The following REDIC1 variants were observed in gnomAD, a reference collection of about 807,000 sequenced individuals.
The protein encoded by REDIC1 is HEI10 Interacting Protein 1.
the REDIC1 span, chr12:39,830,349 A>T: frequency 6.9e-7 from 1 of 1,458,078 alleles, no homozygotes; most frequent in Non-Finnish European, 9.0e-7. Flanking sequence ...GGGCCTTGGG[A>T]CTTGTTTTGG....
the REDIC1 span, among the ~76,000 whole-genome samples, chr12:39,882,215 G>C: frequency 6.6e-6 from 1 of 152,192 alleles, no homozygotes; most frequent in Non-Finnish European, 1.5e-5. Flanking sequence ...TGTGCTACAG[G>C]ATCTCCTGGA....
At chr12:39,684,255 C>G in the REDIC1 span, 5 of 980,470 alleles carry the variant, frequency 5.1e-6, no homozygotes, top group South Asian at 4.4e-5. Flanking sequence ...TTATAAGTAA[C>G]TAAAGAAAAC....
the REDIC1 span, among the ~76,000 whole-genome samples, chr12:39,685,720 C>T: frequency 6.6e-6 from 1 of 152,140 alleles, no homozygotes; most frequent in Non-Finnish European, 1.5e-5. Flanking sequence ...TTAACTCACT[C>T]CAGCATTAAC....
the REDIC1 span, among the ~76,000 whole-genome samples, chr12:39,891,486 T>C: frequency 1.3e-5 from 2 of 152,196 alleles, no homozygotes; most frequent in South Asian, 2.1e-4. Context: ...TAAGAAAGCA[T>C]ATGAAAATCT....
the REDIC1 span, chr12:39,802,279 T>C: frequency 6.6e-6 from 1 of 152,182 alleles, no homozygotes; most frequent in Admixed American, 6.6e-5. Context: ...TTATGTAGCC[T>C]GTCATTCAGG....
At chr12:39,848,611 A>G in the REDIC1 span, among the ~76,000 whole-genome samples, 1 of 152,176 alleles carries the variant, frequency 6.6e-6, no homozygotes, top group Non-Finnish European at 1.5e-5. Context: ...GGAAAGCAGT[A>G]TGGCAATTCC....
the REDIC1 span, among the ~76,000 whole-genome samples, chr12:39,713,822 T>C: frequency 6.8e-6 from 1 of 146,760 alleles, no homozygotes; most frequent in Non-Finnish European, 1.5e-5. Context: ...TATATACGTG[T>C]ATACATGTAT....
chr12:39,728,199 G>C, the REDIC1 span, among the ~76,000 whole-genome samples: 3 of 152,158 alleles, frequency 2.0e-5, no homozygotes, highest in East Asian at 5.8e-4. Context: ...AGTGGTGAGA[G>C]AGGGCATCGT....
the REDIC1 span, among the ~76,000 whole-genome samples, chr12:39,794,123 C>CAAAAAAAAAAA: frequency 2.6e-5 from 2 of 78,372 alleles, no homozygotes; most frequent in African/African-American, 5.1e-5. Flanking sequence ...GGCCAAATTG[C>CAAAAAAAAAAA]AAAAAAAAAA....
At chr12:39,817,653 G>GT in the REDIC1 span, among the ~76,000 whole-genome samples, 2 of 152,126 alleles carry the variant, frequency 1.3e-5, no homozygotes, top group African/African-American at 2.4e-5. Context: ...ATCATAAAAT[G>GT]TAACTACTAT....
At chr12:39,712,326 ATG>A in the REDIC1 span, among the ~76,000 whole-genome samples, 1 of 7,474 alleles carries the variant, frequency 1.3e-4, no homozygotes, top group Non-Finnish European at 8.5e-4. Flanking sequence ...ATATATACAT[ATG>A]TTTATATACC....
At chr12:39,860,415 G>A in the REDIC1 span, among the ~76,000 whole-genome samples, 1 of 152,194 alleles carries the variant, frequency 6.6e-6, no homozygotes, top group African/African-American at 2.4e-5. Context: ...TCTTGATAAA[G>A]ATCTTAGTTG....
At chr12:39,728,151 T>C in the REDIC1 span, among the ~76,000 whole-genome samples, 1 of 152,318 alleles carries the variant, frequency 6.6e-6, no homozygotes, top group East Asian at 1.9e-4. Flanking sequence ...TCTTGCCTGA[T>C]TACCCTAGCC....
the REDIC1 span, among the ~76,000 whole-genome samples, chr12:39,643,376 G>A: frequency 6.6e-6 from 1 of 151,054 alleles, no homozygotes; most frequent in South Asian, 2.1e-4. Flanking sequence ...GACTTTTAAT[G>A]GCACTCAGCT....
At chr12:39,746,206 C>T in the REDIC1 span, among the ~76,000 whole-genome samples, 173 of 152,200 alleles carry the variant, frequency 1.1e-3, no homozygotes, top group South Asian at 3.1e-3. Context: ...GGGTGACAGA[C>T]GGCACCTGGA....
the REDIC1 span, among the ~76,000 whole-genome samples, chr12:39,826,854 A>ATTTTTTTTTTTTTTTTTTTTT: frequency 1.2e-4 from 8 of 67,388 alleles, no homozygotes; most frequent in African/African-American, 1.4e-4. Flanking sequence ...GTCTCTTTCA[A>ATTTTTTTTTTTTTTTTTTTTT]TTTTTTTTTT....
the REDIC1 span, among the ~76,000 whole-genome samples, chr12:39,705,720 A>T: frequency 6.6e-6 from 1 of 152,132 alleles, no homozygotes; most frequent in Admixed American, 6.6e-5. Context: ...ACATATGAAC[A>T]TTTCAATTGA....
At chr12:39,771,137 T>C in the REDIC1 span, among the ~76,000 whole-genome samples, 1 of 152,164 alleles carries the variant, frequency 6.6e-6, no homozygotes, top group Non-Finnish European at 1.5e-5. Flanking sequence ...TAATTTAGAC[T>C]CCGAGTGTGT....
At chr12:39,819,994 A>G in the REDIC1 span, 3 of 152,198 alleles carry the variant, frequency 2.0e-5, no homozygotes, top group Non-Finnish European at 4.4e-5. Context: ...ATGTGAACAG[A>G]GTTTAAATTC....
Sources: allele counts gnomAD v4.1 joint callset (sites outside exome capture counted in the v4.1 genomes callset), GRCh38; gene constraint gnomAD v4.1.1; transcripts MANE v1.5; gene names NCBI Gene and HGNC (gene_info 2026-07-23, HGNC 2026-07-21).